The following SFXN5 variants were observed in gnomAD, a reference collection of about 807,000 sequenced individuals.
SFXN5 encodes the protein sideroflexin 5.
In SFXN5, 43 loss-of-function variants were observed where a neutral mutation model predicts 50.2. That is an observed-to-expected ratio of 0.86 (90% CI 0.67 to 1.11). SFXN5 has a LOEUF of 1.11. Ranked by LOEUF, SFXN5 falls within the 50% of genes least tolerant of loss-of-function variation. SFXN5 has a pLI of 0.00. For synonymous variants in SFXN5, 203 were observed against 185.8 expected (o/e 1.09, Z -0.75); for missense variants, 463 against 454.1 (o/e 1.02, Z -0.18).
intron 12 of SFXN5, among the ~76,000 whole-genome samples, chr2:72,965,325 T>G (rs1355307044): frequency 6.6e-6 from 1 of 152,208 alleles, no homozygotes. Flanking sequence ...CCAATCTCCC[T>G]TCTGGCTCCC....
chr2:72,967,342 A>C (rs990099160), intron 12 of SFXN5: 1 of 152,216 alleles, frequency 6.6e-6, no homozygotes, highest in Non-Finnish European at 1.5e-5. Context: ...GCAGACAGAA[A>C]GTACACAACT....
At chr2:73,022,714 C>G in intron 4 of SFXN5, 138 bp from the exon 5 acceptor site, 1 of 673,416 alleles carries the variant, frequency 1.5e-6, no homozygotes, top group South Asian at 1.7e-5. Context: ...TGGGAAGATT[C>G]AGATACCAGT....
intron 10 of SFXN5, among the ~76,000 whole-genome samples, chr2:72,982,504 C>T (rs1007674109): frequency 4.6e-5 from 7 of 152,230 alleles, no homozygotes; most frequent in African/African-American, 1.2e-4. Flanking sequence ...AATAAACCCA[C>T]ATTGAGCACT....
At chr2:73,021,000 T>C (rs1337921003) in intron 5 of SFXN5, among the ~76,000 whole-genome samples, 1 of 152,170 alleles carries the variant, frequency 6.6e-6, no homozygotes, top group Admixed American at 6.5e-5. Context: ...GCATCTAAAG[T>C]AAAGCTTTGC....
Position 73,068,553 on chromosome 2 carries a change from T to A in SFXN5, c.102+3051A>T, listed in dbSNP as rs145313841. 2.9e-3 allele frequency among the ~76,000 whole-genome samples: 442 copies of A among 152,186 alleles called. 1 individual carries two copies. Among genetic ancestry groups the A allele is most frequent in the African/African-American group, 0.01 (421 of 41,524 alleles). ...CAATTTGGAGAAAAGTTGGTCCACC[T>A]CCCCAGTCACAACCTTACAAGTCAA... On this transcript the variant is annotated intron_variant, in intron 1 of 13. Coordinates refer to ENST00000272433, the MANE Select transcript of SFXN5 (RefSeq NM_144579.3).
At chr2:73,055,523 C>T (rs1240272901) in intron 2 of SFXN5, among the ~76,000 whole-genome samples, 4 of 151,854 alleles carry the variant, frequency 2.6e-5, no homozygotes, top group Admixed American at 1.3e-4. Context: ...CATTTTAGGC[C>T]GGGCACGGTG....
At chr2:72,982,028 A>C (rs1671368329) in intron 10 of SFXN5, among the ~76,000 whole-genome samples, 1 of 150,286 alleles carries the variant, frequency 6.7e-6, no homozygotes, top group African/African-American at 2.5e-5. Flanking sequence ...ACCACCTCTT[A>C]CCCCCAAAGA....
At chr2:72,964,535 G>A (rs1674145765) in intron 12 of SFXN5, among the ~76,000 whole-genome samples, 1 of 152,246 alleles carries the variant, frequency 6.6e-6, no homozygotes, top group Admixed American at 6.5e-5. Flanking sequence ...GCAGAAAGAG[G>A]TGGAGCAGGA....
chr2:73,066,572 A>G (rs1386486454), intron 1 of SFXN5, among the ~76,000 whole-genome samples: 3 of 151,972 alleles, frequency 2.0e-5, no homozygotes, highest in African/African-American at 7.3e-5. Flanking sequence ...AAAAAAAAAT[A>G]AAAGATACAA....
rs553727430 is a variant in SFXN5, at chr2:72,953,823, G to T, written c.945+7308C>A. On this transcript the variant is annotated intron_variant, in intron 13 of 13. Transcript: ENST00000272433. The surrounding 1 kb of genome is among the most constrained non-coding windows in gnomAD (Gnocchi z 4.1). Reference sequence around the variant, plus strand: ...GGGTCCCAATACTTTCTCAAAGAAAGATAAGCTGGGGGGACTTTGCTTCTG... The same window carrying T: ...GGGTCCCAATACTTTCTCAAAGAAATATAAGCTGGGGGGACTTTGCTTCTG... 1.3e-5 allele frequency among the ~76,000 whole-genome samples: 2 copies of T among 152,300 alleles called. No homozygotes were observed. Among genetic ancestry groups the T allele is most frequent in the East Asian group, 3.9e-4 (2 of 5,188 alleles).
chr2:73,007,699 C>A (rs149101064), intron 6 of SFXN5, among the ~76,000 whole-genome samples: 1 of 152,120 alleles, frequency 6.6e-6, no homozygotes, highest in Non-Finnish European at 1.5e-5. Flanking sequence ...CACACTGACT[C>A]GCTCAACTCC....
In SFXN5 at chr2:72,992,649, T is replaced by C. The variant is rs1672736439; in HGVS notation, c.535-4301A>G. ...CGTGTAACCATGGCTCCCTGGTGCA[T>C]CTCCCGGATGTCATGAATGCAGCTG... is the stretch of plus-strand genomic sequence containing the variant. On this transcript the variant is annotated intron_variant, in intron 9 of 13. Coordinates refer to ENST00000272433, the MANE Select transcript of SFXN5 (RefSeq NM_144579.3). The surrounding 1 kb of genome is among the most constrained non-coding windows in gnomAD (Gnocchi z 4.5). Among the ~76,000 whole-genome samples, 1 of 152,170 alleles carries C rather than the reference T, an allele frequency of 6.6e-6. No homozygotes were observed. Among genetic ancestry groups the C allele is most frequent in the Non-Finnish European group, 1.5e-5 (1 of 68,036 alleles).
chr2:73,001,420 C>G (rs1356661822), intron 7 of SFXN5, 105 bp downstream of exon 7: 1 of 1,222,256 alleles, frequency 8.2e-7, no homozygotes, highest in Non-Finnish European at 1.2e-6. Context: ...TGGACTGACC[C>G]TACACGGGGT....
chr2:73,051,927 A>G (rs1479369216), intron 2 of SFXN5, among the ~76,000 whole-genome samples: 1 of 151,948 alleles, frequency 6.6e-6, no homozygotes, highest in Non-Finnish European at 1.5e-5. Flanking sequence ...CAGCCTAACC[A>G]TCTCGTAAAG....
chr2:73,035,138 G>A (rs1678811882), intron 3 of SFXN5, among the ~76,000 whole-genome samples: 1 of 152,154 alleles, frequency 6.6e-6, no homozygotes. Flanking sequence ...ATAATATGTG[G>A]AAAGCGCTAG....
chr2:72,997,744 C>T (rs1673420905), intron 9 of SFXN5: 1 of 152,124 alleles, frequency 6.6e-6, no homozygotes, highest in South Asian at 2.1e-4. Flanking sequence ...TGCCCACCAC[C>T]ATGCAGACTA....
intron 3 of SFXN5, among the ~76,000 whole-genome samples, chr2:73,034,675 T>G (rs979729300): frequency 7.9e-5 from 12 of 152,092 alleles, no homozygotes; most frequent in African/African-American, 2.4e-4. Context: ...TGGTTCCCAG[T>G]AACCTGCTCC....
intron 13 of SFXN5, among the ~76,000 whole-genome samples, chr2:72,951,122 C>T (rs1379753858): frequency 6.6e-6 from 1 of 152,126 alleles, no homozygotes; most frequent in Non-Finnish European, 1.5e-5. Context: ...CTGATGGTCG[C>T]CCCCGCCACA....
chr2:72,944,995 G>C lies in SFXN5; in HGVS notation c.*27C>G. On this transcript the variant is annotated 3_prime_UTR_variant, in exon 14 of 14. Transcript: ENST00000272433. ...CCCCTCAGCTCCCCGGCTGCACAGTGCTCCGTCCCCAGGCCGCTGACCACA... is the reference window on the plus strand; with the variant it reads ...CCCCTCAGCTCCCCGGCTGCACAGTCCTCCGTCCCCAGGCCGCTGACCACA... 6.2e-7 allele frequency: 1 copy of C among 1,607,956 alleles called. No homozygotes were observed. Among genetic ancestry groups the C allele is most frequent in the Non-Finnish European group, 8.5e-7 (1 of 1,175,926 alleles).
Sources: gnomAD v4.1 joint callset for allele counts (sites outside exome capture counted in the v4.1 genomes callset) on GRCh38, gnomAD v4.1.1 for gene constraint, Gnocchi (gnomAD v3.1) non-coding constraint, MANE v1.5 for transcripts, NCBI Gene and HGNC (gene_info 2026-07-23, HGNC 2026-07-21) for gene names.